Variants in HUWE1 observed in about 807,000 individuals in gnomAD.
HUWE1 encodes HECT, UBA and WWE domain containing E3 ubiquitin protein ligase 1.
A neutral mutation model predicts 299.4 loss-of-function variants in HUWE1; 18 were observed. The ratio of observed to expected loss-of-function variants is 0.06; its 90% CI spans 0.04 to 0.09. HUWE1 has a LOEUF of 0.09. Among genes scored for constraint, HUWE1 ranks in the 10% least tolerant of loss-of-function variants. The pLI is 1.00. For missense variants in HUWE1, 1,832 were observed against 3,462.3 expected (o/e 0.53, Z 11.82); for synonymous variants, 1,317 against 1,286.1 (o/e 1.02, Z -0.51).
At chrX:53,555,131 G>A (rs2061941032) in intron 60 of HUWE1, among the ~76,000 whole-genome samples, 1 of 111,470 alleles carries the variant, frequency 9.0e-6, no homozygotes, top group African/African-American at 3.3e-5. Flanking sequence ...TGCAAGAACT[G>A]GAGCTCTGAC....
At chrX:53,586,688 A>C (rs782356147) in intron 38 of HUWE1, 94 bp downstream of exon 38, 1 of 1,111,033 alleles carries the variant, frequency 9.0e-7, no homozygotes, top group Non-Finnish European at 1.2e-6. Flanking sequence ...AAGTACCACA[A>C]ATTTGCCCCA....
intron 61 of HUWE1, 92 bp from the exon 62 acceptor site, chrX:53,552,985 G>T: frequency 1.0e-6 from 1 of 978,208 alleles, no homozygotes; most frequent in Non-Finnish European, 1.4e-6. Context: ...TTCCTTAGGG[G>T]CATCTCAGCT....
chrX:53,575,906 ATGGTGCTATTACAGATAATGTTAGAG>A (rs1227485568), intron 44 of HUWE1, 118 bp from the exon 45 acceptor site: 106 of 745,634 alleles, frequency 1.4e-4, no homozygotes, highest in Non-Finnish European at 2.0e-4. Flanking sequence ...GACTGTTTAC[ATGGTGCTATTACAGATAATGTTAGAG>A]TGCCTCACCC....
Position 53,552,658 on chromosome X carries a change from A to G in HUWE1, c.8730T>C (p.Ser2910=). The G allele has an allele frequency of 8.3e-7, 1 of 1,212,050 alleles. No individual in the cohort carries two copies. The highest frequency in any genetic ancestry group is 1.1e-6 in the Non-Finnish European group (1 of 895,615). ...VQGRSDGSGE[S]AQPPEDSSPP... is the part of the protein sequence containing the mutation. ...CTTACCTGTCCTCAGGTGGCTGGGC[A>G]GATTCCCCTGACCCATCACTCCTGC... Residue 2910 remains serine (S), a synonymous_variant, in exon 62 of 84, where the codon TCT becomes TCC. Transcript: ENST00000262854.
chrX:53,682,949 CG>C (rs782097500), intron 2 of HUWE1, among the ~76,000 whole-genome samples: 1 of 111,934 alleles, frequency 8.9e-6, no homozygotes, highest in South Asian at 3.7e-4. Context: ...TTCATAGTTT[CG>C]CTTAATAGTG....
chrX:53,575,858 T>C, intron 44 of HUWE1, 70 bp from the exon 45 acceptor site: 1 of 1,064,100 alleles, frequency 9.4e-7, no homozygotes, highest in Non-Finnish European at 1.3e-6. Context: ...TTAAGGCCTA[T>C]CTAGTCAGTC....
intron 18 of HUWE1, among the ~76,000 whole-genome samples, chrX:53,624,918 G>A (rs1246632895): frequency 9.0e-6 from 1 of 111,660 alleles, no homozygotes; most frequent in African/African-American, 3.3e-5. Flanking sequence ...GTAATAAGAC[G>A]GAATTAAGCA....
intron 17 of HUWE1, 158 bp from the exon 18 acceptor site, chrX:53,625,416 AAGCTTT>A: frequency 2.4e-6 from 1 of 411,667 alleles, no homozygotes; most frequent in Admixed American, 4.5e-5. Flanking sequence ...ATACTTAATT[AAGCTTT>A]GAAATTGGAA....
intron 9 of HUWE1, 198 bp from the exon 10 acceptor site, chrX:53,631,812 T>G (rs1557023001): frequency 2.3e-6 from 1 of 432,409 alleles, no homozygotes; most frequent in African/African-American, 2.5e-5. Flanking sequence ...TTAGGAAAGC[T>G]CCTTTAAAAC....
chrX:53,580,999 C>T lies in HUWE1; in HGVS notation c.5548G>A (p.Ala1850Thr). Residue 1850 changes from alanine (A) to threonine (T), a missense_variant, in exon 43 of 84, where the codon GCT becomes ACT. Around this residue, in one of 15 missense-constraint regions of HUWE1, gnomAD observed 50 missense variants for 114.9 expected, o/e 0.44. Transcript: ENST00000262854. ...ACAACACCAGAGGTAGTGCTACCAG[C>T]TCCACTTGTAGCTGCTGAGCGAACA... ...KVVRSAATSG[A>T]GSTTSGVVSG... The T allele has an allele frequency of 2.5e-6, 3 of 1,207,844 alleles. No homozygotes were observed. Among genetic ancestry groups the T allele is most frequent in the Non-Finnish European group, 3.4e-6 (3 of 892,940 alleles).
chrX:53,547,713 G>A lies in HUWE1; in HGVS notation c.10596C>T (p.Thr3532=). The A allele has an allele frequency of 1.7e-6, 2 of 1,208,807 alleles. No individual in the cohort carries two copies. Among genetic ancestry groups the A allele is most frequent in the Non-Finnish European group, 2.2e-6 (2 of 893,832 alleles). Residue 3532 remains threonine (T), a synonymous_variant, in exon 68 of 84, where the codon ACC becomes ACT. Transcript: ENST00000262854. The part of the protein sequence containing the change: ...AISTIVVAAS[T]TVTTPTTATT... Reference sequence around the variant, plus strand: ...TAGCAGTCGTGGGGGTAGTCACTGTGGTCGAAGCAGCTACGACAATGGTGG... The same window carrying A: ...TAGCAGTCGTGGGGGTAGTCACTGTAGTCGAAGCAGCTACGACAATGGTGG...
chrX:53,676,040 G>C, intron 3 of HUWE1, among the ~76,000 whole-genome samples: 1 of 111,167 alleles, frequency 9.0e-6, no homozygotes, highest in Admixed American at 9.5e-5. Context: ...CAAAGTCTCA[G>C]ACCCAAAATA....
intron 4 of HUWE1, 92 bp from the exon 5 acceptor site, chrX:53,648,402 C>A: frequency 5.6e-6 from 3 of 535,018 alleles, no homozygotes; most frequent in Non-Finnish European, 9.8e-6. Context: ...GCTCACACAG[C>A]AATTTTCCTT....
In HUWE1 at chrX:53,554,183, G is replaced by C. The variant is rs141326033; in HGVS notation, c.8494+450C>G. Reference sequence around the variant, plus strand: ...GACTTGGGCTAATTATTTCATTTCTGAGTTTCAGTTTACTCATGTAAATAA... The same window carrying C: ...GACTTGGGCTAATTATTTCATTTCTCAGTTTCAGTTTACTCATGTAAATAA... On this transcript the variant is annotated intron_variant, in intron 61 of 83. Coordinates refer to ENST00000262854, the MANE Select transcript of HUWE1 (RefSeq NM_031407.7). 7.7e-3 allele frequency among the ~76,000 whole-genome samples: 856 copies of C among 111,110 alleles called. 8 individuals are homozygous for C. Among genetic ancestry groups the C allele is most frequent in the African/African-American group, 0.027 (823 of 30,531 alleles).
In HUWE1 at chrX:53,674,854, C is replaced by T. The variant is rs6638363; in HGVS notation, c.-25+5195G>A. On this transcript the variant is annotated intron_variant, in intron 3 of 83. Transcript: ENST00000262854. Reference sequence around the variant, plus strand: ...TTTGTTAAATGAATATCACCATCTTCATTTAAAGGATGAGGAAACTGGCTC... The same window carrying T: ...TTTGTTAAATGAATATCACCATCTTTATTTAAAGGATGAGGAAACTGGCTC... 1.3e-4 allele frequency among the ~76,000 whole-genome samples: 15 copies of T among 111,875 alleles called. No individual in the cohort carries two copies. The East Asian group carries it at 3.9e-3, about 29-fold the overall frequency.
chrX:53,663,879 TA>T lies in HUWE1; in HGVS notation c.-24-9749del, dbSNP rs376201617. 8.5e-3 allele frequency among the ~76,000 whole-genome samples: 799 copies of T among 94,492 alleles called. 6 individuals carry two copies. Among genetic ancestry groups the T allele is most frequent in the African/African-American group, 0.02 (530 of 26,140 alleles). The allele number at this position is 94,492 out of a possible 115,157, so 82.1% of individuals were successfully genotyped here. A position where few individuals can be genotyped will look rare whatever the true frequency, so the allele number is the denominator to read the frequency against. On this transcript the variant is annotated intron_variant, in intron 3 of 83. Transcript: ENST00000262854. ...AATGTCTGCCACAGGGTGGGAAAGT[TA>T]AAAAAAAAAAAAAACCTGGGAAGGG...
intron 43 of HUWE1, among the ~76,000 whole-genome samples, chrX:53,578,776 G>A (rs1189469512): frequency 1.5e-5 from 1 of 68,553 alleles, no homozygotes; most frequent in South Asian, 8.9e-4. Context: ...CCCTCTGCCC[G>A]GCCAGCCGCC....
chrX:53,617,111 T>G lies in HUWE1; in HGVS notation c.1816A>C (p.Asn606His). 1 of 1,210,337 alleles carries G rather than the reference T, an allele frequency of 8.3e-7. No homozygotes were observed. Among genetic ancestry groups the G allele is most frequent in the Non-Finnish European group, 1.1e-6 (1 of 894,738 alleles). The change falls in exon 21 of 84, where the codon AAT becomes CAT. Residue 606 changes from asparagine (N) to histidine (H), a missense_variant. By Grantham distance (68) the Asn-to-His change is moderately conservative. Around this residue, in one of 15 missense-constraint regions of HUWE1, gnomAD observed 658 missense variants for 1,282.6 expected, o/e 0.51. Coordinates refer to ENST00000262854, the MANE Select transcript of HUWE1 (RefSeq NM_031407.7). ...TTCAAACAGAGTGCACTGAATACATTTGGGAGGGAGCCAAGGACTTCACGG... is the reference window on the plus strand; with the variant it reads ...TTCAAACAGAGTGCACTGAATACATGTGGGAGGGAGCCAAGGACTTCACGG... ...ATREVLGSLP[N>H]VFSALCLNAR...
chrX:53,619,488 C>T (rs782323633), intron 19 of HUWE1, among the ~76,000 whole-genome samples: 11 of 106,592 alleles, frequency 1.0e-4, no homozygotes, highest in Non-Finnish European at 1.3e-4. Flanking sequence ...GGTATATACA[C>T]GCACAGAGCA....
Sources: gnomAD v4.1 joint callset for allele counts (sites outside exome capture counted in the v4.1 genomes callset) on GRCh38, gnomAD v4.1.1 for gene constraint, gnomAD v4.1.1 regional missense constraint, MANE v1.5 for transcripts, NCBI Gene and HGNC (gene_info 2026-07-23, HGNC 2026-07-21) for gene names.